CACNB4: variants seen among roughly 807,000 people sequenced by gnomAD.
CACNB4 encodes the protein calcium voltage-gated channel auxiliary subunit beta 4, also known as voltage-dependent L-type calcium channel subunit beta-4.
Under a neutral mutation model 71.2 loss-of-function variants are expected in CACNB4, and 32 were observed. That is an observed-to-expected ratio of 0.45 (90% confidence interval 0.34 to 0.60). CACNB4 has a LOEUF of 0.60. Among genes scored for constraint, CACNB4 ranks in the 20% least tolerant of loss-of-function variants. The pLI is 0.01. For missense variants in CACNB4, 464 were observed against 647.9 expected (o/e 0.72, Z 3.08); for synonymous variants, 231 against 236.9 (o/e 0.97, Z 0.23).
At chr2:151,941,562 A>T (rs2099864264) in intron 2 of CACNB4, among the ~76,000 whole-genome samples, 2 of 151,978 alleles carry the variant, frequency 1.3e-5, no homozygotes, top group Admixed American at 6.5e-5. Context: ...GATTACAGGC[A>T]TGAGCCACCG....
At chr2:152,050,856 T>C (rs1685391783) in intron 2 of CACNB4, among the ~76,000 whole-genome samples, 1 of 151,946 alleles carries the variant, frequency 6.6e-6, no homozygotes, top group South Asian at 2.1e-4. Context: ...GCAGCCTCGA[T>C]CTCGATCTAC....
At chr2:151,920,407 C>T (rs952464003) in intron 2 of CACNB4, among the ~76,000 whole-genome samples, 3 of 147,890 alleles carry the variant, frequency 2.0e-5, no homozygotes, top group East Asian at 4.1e-4. Context: ...ACTGCAGCCT[C>T]GACCTCTTGG....
At chr2:151,841,637 C>T (rs2099836260) in intron 13 of CACNB4, 2 of 376,554 alleles carry the variant, frequency 5.3e-6, no homozygotes, top group South Asian at 3.4e-5. Flanking sequence ...CGTTTGCCAG[C>T]AGAGTTTAGA....
At chr2:152,030,107 C>CT (rs796605021) in intron 2 of CACNB4, among the ~76,000 whole-genome samples, 16 of 149,544 alleles carry the variant, frequency 1.1e-4, no homozygotes, top group East Asian at 7.8e-4. Context: ...CTCTTACCTT[C>CT]TTTTTTTTTT....
chr2:152,070,601 T>C (rs1266927582), intron 2 of CACNB4, among the ~76,000 whole-genome samples: 2 of 152,174 alleles, frequency 1.3e-5, no homozygotes, highest in Admixed American at 6.5e-5. Flanking sequence ...TGCAATGCAC[T>C]ATTACTATGC....
chr2:152,062,649 G>T (rs1050215924), intron 2 of CACNB4, among the ~76,000 whole-genome samples: 2 of 152,080 alleles, frequency 1.3e-5, no homozygotes, highest in African/African-American at 4.8e-5. Flanking sequence ...AGCACTGAAC[G>T]TGGAACGGCT....
intron 2 of CACNB4, among the ~76,000 whole-genome samples, chr2:152,004,199 C>T (rs555458131): frequency 5.9e-5 from 9 of 152,212 alleles, no homozygotes; most frequent in African/African-American, 2.2e-4. Context: ...ATAAGTAAGT[C>T]GGGTACCTGT....
chr2:151,974,056 G>A, intron 2 of CACNB4: 15 of 886,596 alleles, frequency 1.7e-5, no homozygotes, highest in Non-Finnish European at 2.1e-5. Flanking sequence ...GAGAGTGGAG[G>A]GCGCCTCGGA....
chr2:152,006,741 G>A (rs565531243), intron 2 of CACNB4, among the ~76,000 whole-genome samples: 1 of 152,194 alleles, frequency 6.6e-6, no homozygotes, highest in South Asian at 2.1e-4. Flanking sequence ...TATCTGCCCT[G>A]GTAGTCACGT....
In CACNB4 at chr2:152,052,489, T is replaced by G. The variant is rs1021361367; in HGVS notation, c.147+45841A>C. On this transcript the variant is annotated intron_variant, in intron 2 of 13. Transcript: ENST00000539935. ...TCGTATTCTAAGTAGAGACAGGGTTTTGCCACGTTGGCCAGGCTGGTCTTG... is the reference window on the plus strand; with the variant it reads ...TCGTATTCTAAGTAGAGACAGGGTTGTGCCACGTTGGCCAGGCTGGTCTTG... 7.9e-5 allele frequency among the ~76,000 whole-genome samples: 12 copies of G among 152,236 alleles called. 1 individual carries two copies. The highest frequency in any genetic ancestry group is 7.9e-4 in the Admixed American group (12 of 15,280).
intron 2 of CACNB4, among the ~76,000 whole-genome samples, chr2:152,009,844 C>T (rs865777584): frequency 6.6e-6 from 1 of 152,186 alleles, no homozygotes. Flanking sequence ...TGGCTCCTCA[C>T]CTTTTTCCCT....
intron 2 of CACNB4, among the ~76,000 whole-genome samples, chr2:152,088,024 G>C (rs952396500): frequency 2.0e-5 from 3 of 152,138 alleles, no homozygotes; most frequent in Admixed American, 1.3e-4. Flanking sequence ...GGATGCCTAG[G>C]GCTGGGAGGT....
intron 2 of CACNB4, among the ~76,000 whole-genome samples, chr2:151,975,867 T>C (rs1329280939): frequency 2.0e-5 from 3 of 152,178 alleles, no homozygotes; most frequent in Admixed American, 6.5e-5. Flanking sequence ...TATTCCCCGA[T>C]TGTGTTAAAA....
chr2:151,930,291 C>T (rs1157576549), intron 2 of CACNB4, among the ~76,000 whole-genome samples: 1 of 152,064 alleles, frequency 6.6e-6, no homozygotes, highest in Admixed American at 6.6e-5. Context: ...CAAAAGCTGG[C>T]TGGCTTTTGG....
At chr2:151,909,450 CAA>C (rs11324988) in intron 2 of CACNB4, among the ~76,000 whole-genome samples, 50 of 105,636 alleles carry the variant, frequency 4.7e-4, no homozygotes, top group African/African-American at 1.1e-3. Flanking sequence ...AGGAAAAAAA[CAA>C]AAAAAAAAAA....
At chr2:152,020,732 G>A (rs72998949) in intron 2 of CACNB4, among the ~76,000 whole-genome samples, 10,333 of 152,174 alleles carry the variant, frequency 0.068, 1,177 homozygotes, top group African/African-American at 0.24. Context: ...TGCTGGTAAC[G>A]GGGTTAGAAT....
intron 2 of CACNB4, among the ~76,000 whole-genome samples, chr2:151,966,459 T>C (rs768126088): frequency 1.3e-5 from 2 of 152,064 alleles, no homozygotes; most frequent in South Asian, 2.1e-4. Flanking sequence ...TTTTATATTT[T>C]TAGTACAGAT....
intron 2 of CACNB4, among the ~76,000 whole-genome samples, chr2:151,952,235 A>G (rs1232271524): frequency 1.3e-5 from 2 of 152,190 alleles, no homozygotes; most frequent in Non-Finnish European, 2.9e-5. Flanking sequence ...TACCTACGAG[A>G]TGTATAAATA....
At chr2:152,099,055 G>A, upstream of CACNB4, 1 of 1,403,598 alleles carries the variant, frequency 7.1e-7, no homozygotes, top group Non-Finnish European at 9.6e-7. Flanking sequence ...GGTGGGCGGA[G>A]GGGGCTGGCC....
Sources: allele counts gnomAD v4.1 joint callset (sites outside exome capture counted in the v4.1 genomes callset), GRCh38; gene constraint gnomAD v4.1.1; transcripts MANE v1.5; gene names NCBI Gene and HGNC (gene_info 2026-07-23, HGNC 2026-07-21).